The following SORCS3 variants were observed in gnomAD, a reference collection of about 807,000 sequenced individuals.
SORCS3 encodes VPS10 domain-containing receptor SorCS3.
A neutral mutation model predicts 146.3 loss-of-function variants in SORCS3; 57 were observed. That is an observed-to-expected ratio of 0.39 (90% CI 0.31 to 0.49). The LOEUF (loss-of-function observed/expected upper bound fraction) is 0.49, where lower values mean the gene tolerates loss of function less well. Among genes scored for constraint, SORCS3 ranks in the 20% least tolerant of loss-of-function variants. The pLI is 0.92. For synonymous variants in SORCS3, 653 were observed against 618.5 expected (o/e 1.06, Z -0.83); for missense variants, 1,341 against 1,575.5 (o/e 0.85, Z 2.52).
intron 2 of SORCS3, among the ~76,000 whole-genome samples, chr10:104,898,323 C>T (rs1366606717): frequency 6.6e-6 from 1 of 152,126 alleles, no homozygotes; most frequent in Non-Finnish European, 1.5e-5. Context: ...TAGTGTCAGG[C>T]AAGTTATAGG....
intron 1 of SORCS3, among the ~76,000 whole-genome samples, chr10:104,707,805 C>T (rs770796474): frequency 2.0e-5 from 3 of 152,158 alleles, no homozygotes; most frequent in Admixed American, 6.5e-5. Context: ...TGTTGCTTCC[C>T]TTCCCCCATC....
chr10:104,743,055 G>A (rs2016868007), intron 1 of SORCS3, among the ~76,000 whole-genome samples: 1 of 152,120 alleles, frequency 6.6e-6, no homozygotes, highest in African/African-American at 2.4e-5. Context: ...TAATCCTGTG[G>A]GGTGGATAGA....
chr10:104,819,220 G>A (rs2017843857), intron 1 of SORCS3, among the ~76,000 whole-genome samples: 2 of 152,118 alleles, frequency 1.3e-5, no homozygotes, highest in South Asian at 2.1e-4. Flanking sequence ...AGATTTCCAG[G>A]CCCTGTTCCC....
chr10:104,800,381 A>G (rs2017611340), intron 1 of SORCS3, among the ~76,000 whole-genome samples: 5 of 152,198 alleles, frequency 3.3e-5, no homozygotes. Context: ...CAGTGAAACT[A>G]TTCTGTACGA....
intron 5 of SORCS3, among the ~76,000 whole-genome samples, chr10:105,079,849 T>G (rs790731): frequency 0.31 from 47,358 of 152,088 alleles, 7,593 homozygotes; most frequent in Admixed American, 0.39. Flanking sequence ...TAAGAAGAAT[T>G]ACCTCTAGCT....
intron 4 of SORCS3, among the ~76,000 whole-genome samples, chr10:105,022,307 T>C (rs1193453101): frequency 1.4e-5 from 2 of 142,892 alleles, no homozygotes; most frequent in African/African-American, 5.2e-5. Flanking sequence ...CTTTTTTTTT[T>C]TTTTTTCGAG....
At chr10:105,181,062 T>G (rs1274511433) in intron 14 of SORCS3, among the ~76,000 whole-genome samples, 1 of 152,200 alleles carries the variant, frequency 6.6e-6, no homozygotes, top group Non-Finnish European at 1.5e-5. Context: ...TGCATGTGAC[T>G]TTAAGTTCCC....
chr10:104,950,805 A>G (rs892045650), intron 3 of SORCS3, among the ~76,000 whole-genome samples: 4 of 152,360 alleles, frequency 2.6e-5, no homozygotes, highest in East Asian at 1.9e-4. Flanking sequence ...TGAATGTTCA[A>G]CGAAGATTCC....
chr10:105,123,938 A>C (rs74157444), intron 7 of SORCS3, among the ~76,000 whole-genome samples: 3,740 of 152,280 alleles, frequency 0.025, 152 homozygotes, highest in African/African-American at 0.085. Flanking sequence ...GGAAACAAAA[A>C]TAAAAGAATA....
intron 1 of SORCS3, among the ~76,000 whole-genome samples, chr10:104,726,513 C>T (rs977080008): frequency 7.2e-5 from 11 of 152,078 alleles, no homozygotes; most frequent in African/African-American, 2.7e-4. Context: ...CCAGGACCAA[C>T]CCAAGCTTCT....
chr10:105,106,631 G>A (rs2055823642), intron 7 of SORCS3, among the ~76,000 whole-genome samples: 1 of 152,126 alleles, frequency 6.6e-6, no homozygotes, highest in Non-Finnish European at 1.5e-5. Flanking sequence ...CTGATTGTAG[G>A]CATCGCAGTT....
At chr10:105,234,015 A>G in intron 20 of SORCS3, among the ~76,000 whole-genome samples, 1 of 152,146 alleles carries the variant, frequency 6.6e-6, no homozygotes, top group East Asian at 1.9e-4. Context: ...TTTCTGACCT[A>G]TATTTCCTTC....
At chr10:104,730,265 C>T (rs968630218) in intron 1 of SORCS3, among the ~76,000 whole-genome samples, 1 of 152,198 alleles carries the variant, frequency 6.6e-6, no homozygotes, top group Non-Finnish European at 1.5e-5. Flanking sequence ...TTTGTATCGG[C>T]ATTTTACAGA....
intron 7 of SORCS3, among the ~76,000 whole-genome samples, chr10:105,136,774 T>C (rs536139144): frequency 6.6e-6 from 1 of 152,298 alleles, no homozygotes; most frequent in African/African-American, 2.4e-5. Flanking sequence ...AAGCTTGGTA[T>C]CTCTGGGAGA....
At chr10:105,161,851 T>C (rs2056266072) in intron 11 of SORCS3, among the ~76,000 whole-genome samples, 2 of 152,178 alleles carry the variant, frequency 1.3e-5, no homozygotes, top group Non-Finnish European at 2.9e-5. Context: ...ATTCCACCTC[T>C]AGTACTCTGT....
chr10:105,068,207 G>T (rs1219317173), intron 5 of SORCS3, among the ~76,000 whole-genome samples: 3 of 152,064 alleles, frequency 2.0e-5, no homozygotes, highest in East Asian at 3.9e-4. Flanking sequence ...CCCCAACTTG[G>T]TTAAATGAGT....
chr10:105,058,496 C>T (rs1430848030), intron 5 of SORCS3, among the ~76,000 whole-genome samples: 1 of 152,322 alleles, frequency 6.6e-6, no homozygotes. Context: ...ACATGAGTTA[C>T]ATTATTGAGG....
At chr10:104,759,938 T>C (rs2017100646) in intron 1 of SORCS3, among the ~76,000 whole-genome samples, 1 of 152,050 alleles carries the variant, frequency 6.6e-6, no homozygotes, top group Non-Finnish European at 1.5e-5. Flanking sequence ...TGGAAGGTTC[T>C]AGAGAAAAAA....
chr10:104,842,945 G>A lies in SORCS3; in HGVS notation c.695+86G>A, dbSNP rs1043968163. The A allele has an allele frequency of 1.3e-5, 13 of 1,032,368 alleles. No individual in the cohort carries two copies. The African/African-American group carries it at 1.6e-4, about 12-fold the overall frequency. 64.0% of individuals were successfully genotyped at this position (1,032,368 alleles called of 1,614,324 possible). A position where few individuals can be genotyped will look rare whatever the true frequency, so the allele number is the denominator to read the frequency against. On this transcript the variant is annotated intron_variant, in intron 2 of 26. Transcript: ENST00000369701. ...CTAAGCAGTTGGGAAGTGTGGACTG[G>A]AAGGAGCAGAAGATAGTCCTCTTCC...
Sources: allele counts gnomAD v4.1 joint callset (sites outside exome capture counted in the v4.1 genomes callset), GRCh38; gene constraint gnomAD v4.1.1; transcripts MANE v1.5; gene names NCBI Gene and HGNC (gene_info 2026-07-23, HGNC 2026-07-21).